The following TRIM71 variants were observed in gnomAD, a reference collection of about 807,000 sequenced individuals.
The protein encoded by TRIM71 is tripartite motif containing 71.
In TRIM71, 9 loss-of-function variants were observed where a neutral mutation model predicts 61.2. The observed-to-expected ratio is 0.15, with a 90% CI of 0.09 to 0.26. The LOEUF (loss-of-function observed/expected upper bound fraction) is 0.26. Ranked by LOEUF, TRIM71 falls within the 10% of genes least tolerant of loss-of-function variation. The probability of loss-of-function intolerance (pLI) is 1.00; values close to 1 mark genes in which losing one functional copy is unlikely to be tolerated. For synonymous variants in TRIM71, 645 were observed against 553.2 expected (o/e 1.17, Z -2.33); for missense variants, 998 against 1,238.7 (o/e 0.81, Z 2.92).
intron 2 of TRIM71, among the ~76,000 whole-genome samples, chr3:32,874,351 CT>C (rs1274918262): frequency 2.7e-5 from 4 of 150,832 alleles, no homozygotes; most frequent in South Asian, 2.1e-4. Context: ...ACTACTACTA[CT>C]ACTACTACTA....
rs562566020 is a variant in TRIM71 at position 32,874,456 on chromosome 3, G to A, written c.1020+471G>A. 6.0e-5 allele frequency among the ~76,000 whole-genome samples: 9 copies of A among 150,498 alleles called. No individual in the cohort carries two copies. In the South Asian group the frequency reaches 1.3e-3, roughly 21 times the overall value. On this transcript the variant is annotated intron_variant, in intron 2 of 3. Transcript: ENST00000383763. Reference sequence around the variant, plus strand: ...CGGCTAACCACAACCTCCACCTCCCGGATTCAAGTGATTCTCCTCCCTCAG... The same window carrying A: ...CGGCTAACCACAACCTCCACCTCCCAGATTCAAGTGATTCTCCTCCCTCAG...
At chr3:32,872,315 C>T (rs187944669) in intron 1 of TRIM71, among the ~76,000 whole-genome samples, 1 of 152,106 alleles carries the variant, frequency 6.6e-6, no homozygotes, top group Non-Finnish European at 1.5e-5. Context: ...ACACACTTCC[C>T]TATTAACTCA....
chr3:32,883,297 T>C (rs1239825362), intron 2 of TRIM71, among the ~76,000 whole-genome samples: 2 of 152,280 alleles, frequency 1.3e-5, no homozygotes, highest in Non-Finnish European at 2.9e-5. Context: ...TATTGGCTTC[T>C]GTATTAGTTT....
chr3:32,838,829 C>G (rs1438634488), intron 1 of TRIM71, among the ~76,000 whole-genome samples: 1 of 151,524 alleles, frequency 6.6e-6, no homozygotes, highest in African/African-American at 2.4e-5. Context: ...GAGACGAGGT[C>G]TCGCTCTGTC....
chr3:32,868,792 T>A (rs1221852258), intron 1 of TRIM71, among the ~76,000 whole-genome samples: 1 of 152,018 alleles, frequency 6.6e-6, no homozygotes, highest in African/African-American at 2.4e-5. Context: ...TCCCTCCTCA[T>A]ACTCCCACCA....
At chr3:32,856,288 A>G (rs1335854841) in intron 1 of TRIM71, among the ~76,000 whole-genome samples, 3 of 152,106 alleles carry the variant, frequency 2.0e-5, no homozygotes. Context: ...AAGTGCTGGG[A>G]TTACAGGCGT....
chr3:32,847,805 G>T (rs943036399), intron 1 of TRIM71, among the ~76,000 whole-genome samples: 3 of 152,118 alleles, frequency 2.0e-5, no homozygotes, highest in Non-Finnish European at 4.4e-5. Flanking sequence ...CTCAATATGG[G>T]GCTGGTTTTT....
chr3:32,822,105 T>C (rs942343764), intron 1 of TRIM71, among the ~76,000 whole-genome samples: 7 of 152,002 alleles, frequency 4.6e-5, no homozygotes, highest in Admixed American at 1.3e-4. Context: ...GCTGGGTGTG[T>C]TGTGTGCCTA....
chr3:32,825,409 C>T (rs1696189419), intron 1 of TRIM71, among the ~76,000 whole-genome samples: 1 of 152,066 alleles, frequency 6.6e-6, no homozygotes, highest in Non-Finnish European at 1.5e-5. Flanking sequence ...TAAAATTTAA[C>T]CCCCTCTGAG....
intron 2 of TRIM71, among the ~76,000 whole-genome samples, chr3:32,885,574 A>G (rs955269853): frequency 2.6e-5 from 4 of 152,180 alleles, no homozygotes; most frequent in Non-Finnish European, 5.9e-5. Context: ...AGTCTGGGGA[A>G]GTTGCTTGTG....
At chr3:32,868,690 T>G (rs1026212410) in intron 1 of TRIM71, among the ~76,000 whole-genome samples, 8 of 151,656 alleles carry the variant, frequency 5.3e-5, no homozygotes, top group East Asian at 1.9e-4. Context: ...ATTAGGGTTT[T>G]TTTTTTTTTT....
chr3:32,822,785 A>T (rs1696156251), intron 1 of TRIM71, among the ~76,000 whole-genome samples: 1 of 152,224 alleles, frequency 6.6e-6, no homozygotes, highest in Admixed American at 6.5e-5. Flanking sequence ...AAATGTAGGT[A>T]TAGCTAAAGA....
Position 32,897,308 on chromosome 3 carries a change from G to A in TRIM71, c.*5497G>A. ...TTTGTCCAAGGCAGACATGATATAA[G>A]GAATATGCACTACCGTAGTAACTCC... On this transcript the variant is annotated 3_prime_UTR_variant, in exon 4 of 4. Transcript: ENST00000383763. 1 of 152,038 alleles carries A rather than the reference G, an allele frequency of 6.6e-6. No individual in the cohort carries two copies. The highest frequency in any genetic ancestry group is 1.9e-4 in the East Asian group (1 of 5,192). The allele number at this position is 152,038 out of a possible 1,614,324, so 9.4% of individuals were successfully genotyped here. A position where few individuals can be genotyped will look rare whatever the true frequency, so the allele number is the denominator to read the frequency against.
intron 3 of TRIM71, among the ~76,000 whole-genome samples, chr3:32,888,001 T>G (rs1418441615): frequency 6.6e-6 from 1 of 152,218 alleles, no homozygotes; most frequent in Non-Finnish European, 1.5e-5. Context: ...ACTGTTTGGA[T>G]AAGTTCATTC....
chr3:32,886,729 A>G (rs1341028992), intron 3 of TRIM71, among the ~76,000 whole-genome samples: 1 of 152,196 alleles, frequency 6.6e-6, no homozygotes, highest in Non-Finnish European at 1.5e-5. Context: ...GCTGATTTAT[A>G]AGGGTATCCT....
chr3:32,896,838 G>A lies in TRIM71; in HGVS notation c.*5027G>A, dbSNP rs1006227917. 2 of 152,206 alleles carry A rather than the reference G, an allele frequency of 1.3e-5. No individual in the cohort carries two copies. The highest frequency in any genetic ancestry group is 2.9e-5 in the Non-Finnish European group (2 of 68,030). The allele number at this position is 152,206 out of a possible 1,614,324, so 9.4% of individuals were successfully genotyped here. On this transcript the variant is annotated 3_prime_UTR_variant, in exon 4 of 4. Coordinates refer to ENST00000383763, the MANE Select transcript of TRIM71 (RefSeq NM_001039111.3). Reference sequence around the variant, plus strand: ...CACTGACTGAATGTTGATGTGTGTAGCAAAGTGTTTACTTTCTTTAAATAA... The same window carrying A: ...CACTGACTGAATGTTGATGTGTGTAACAAAGTGTTTACTTTCTTTAAATAA...
At chr3:32,858,684 C>A (rs1696633061) in intron 1 of TRIM71, among the ~76,000 whole-genome samples, 1 of 152,150 alleles carries the variant, frequency 6.6e-6, no homozygotes, top group South Asian at 2.1e-4. Context: ...GGCCTCAGAA[C>A]AATTTGGGGG....
intron 1 of TRIM71, among the ~76,000 whole-genome samples, chr3:32,867,947 CT>C (rs918923394): frequency 1.3e-5 from 2 of 151,968 alleles, no homozygotes; most frequent in Non-Finnish European, 2.9e-5. Context: ...CCTAACACCC[CT>C]TTTTTTATTG....
intron 1 of TRIM71, among the ~76,000 whole-genome samples, chr3:32,846,856 T>C (rs1206598539): frequency 6.6e-6 from 1 of 152,188 alleles, no homozygotes; most frequent in Non-Finnish European, 1.5e-5. Context: ...TTGTTGCAAA[T>C]GACAGGATTT....
Sources: gnomAD v4.1 joint callset for allele counts (sites outside exome capture counted in the v4.1 genomes callset) on GRCh38, gnomAD v4.1.1 for gene constraint, MANE v1.5 for transcripts, NCBI Gene and HGNC (gene_info 2026-07-23, HGNC 2026-07-21) for gene names.